The following ZEB2 variants were observed in gnomAD, a reference collection of about 807,000 sequenced individuals.
ZEB2 encodes the protein zinc finger E-box binding homeobox 2.
ZEB2 carries 6 observed loss-of-function variants against 99.9 expected under a neutral mutation model. The ratio of observed to expected loss-of-function variants is 0.06; its 90% CI spans 0.03 to 0.12. The LOEUF (loss-of-function observed/expected upper bound fraction) is 0.12, where lower values mean the gene tolerates loss of function less well. ZEB2 is among the 10% of genes least tolerant of loss of function. The pLI, the probability that ZEB2 is intolerant of heterozygous loss-of-function variation, is 1.00. For synonymous variants in ZEB2, 517 were observed against 542.5 expected (o/e 0.95, Z 0.65); for missense variants, 969 against 1,502.8 (o/e 0.64, Z 5.87).
Position 144,398,965 on chromosome 2 carries a change from G to A in ZEB2, c.2222C>T (p.Ser741Leu). 1 of 1,614,176 alleles carries A rather than the reference G, an allele frequency of 6.2e-7. No homozygotes were observed. Among genetic ancestry groups the A allele is most frequent in the Non-Finnish European group, 8.5e-7 (1 of 1,180,024 alleles). The change falls in exon 8 of 10, where the codon TCA (serine) becomes TTA (leucine). Residue 741 changes from serine (S) to leucine (L), a missense_variant. Ser to Leu is a moderately radical substitution (Grantham distance 145, BLOSUM62 -2). Around this residue, in one of 8 missense-constraint regions of ZEB2, gnomAD observed 346 missense variants for 460.0 expected, o/e 0.75. Transcript: ENST00000627532. The part of the protein sequence containing the change: ...SPVKPMDSIT[S>L]PSIAELHNSV... ...GTTGTGGAGTTCTGCTATAGATGGT[G>A]ATGTTATGGAGTCCATAGGTTTTAC...
At chr2:144,479,845 T>C (rs1324044456) in intron 2 of ZEB2, among the ~76,000 whole-genome samples, 1 of 152,166 alleles carries the variant, frequency 6.6e-6, no homozygotes, top group African/African-American at 2.4e-5. Context: ...ATAAGGTCTC[T>C]GTTGTGACAA....
chr2:144,476,877 T>A (rs1225873987), intron 2 of ZEB2, among the ~76,000 whole-genome samples: 1 of 152,216 alleles, frequency 6.6e-6, no homozygotes, highest in Non-Finnish European at 1.5e-5. Context: ...CTTGACATCA[T>A]CAAAATCCTC....
intron 2 of ZEB2, chr2:144,463,064 A>G (rs889940368): frequency 6.6e-6 from 1 of 152,188 alleles, no homozygotes; most frequent in Non-Finnish European, 1.5e-5. Flanking sequence ...GCAAACCCCA[A>G]TAGGGTAGCA....
chr2:144,512,319 A>T (rs748534535), intron 2 of ZEB2: 16 of 1,287,238 alleles, frequency 1.2e-5, no homozygotes, highest in African/African-American at 1.5e-5. Flanking sequence ...CAGATGACAA[A>T]AACTGTTGCA....
chr2:144,395,951 AT>A (rs1039570413), intron 9 of ZEB2, among the ~76,000 whole-genome samples: 1 of 149,394 alleles, frequency 6.7e-6, no homozygotes, highest in African/African-American at 2.4e-5. Context: ...AATGTGGCGA[AT>A]TTAAAAAAAA....
intron 2 of ZEB2, chr2:144,513,438 ATC>A: frequency 6.9e-7 from 1 of 1,439,572 alleles, no homozygotes; most frequent in Non-Finnish European, 9.2e-7. Flanking sequence ...CTGGAGAAAA[ATC>A]AAATTTAACT....
intron 2 of ZEB2, among the ~76,000 whole-genome samples, chr2:144,505,639 G>A (rs528126608): frequency 6.6e-6 from 1 of 152,278 alleles, no homozygotes; most frequent in East Asian, 1.9e-4. Flanking sequence ...GGTTGAGGAG[G>A]TTGCTGAGAC....
At chr2:144,513,955 G>A in intron 2 of ZEB2, 2 of 1,413,116 alleles carry the variant, frequency 1.4e-6, no homozygotes, top group South Asian at 2.9e-5. Context: ...CTTGTCTGCG[G>A]GCAACTCGCT....
intron 6 of ZEB2, 79 bp downstream of exon 6, chr2:144,403,834 TTAA>T: frequency 1.9e-6 from 3 of 1,566,136 alleles, no homozygotes; most frequent in East Asian, 2.3e-5. Flanking sequence ...CCATGAAAAA[TTAA>T]TAATGATTGC....
chr2:144,409,749 C>T (rs762165422), intron 4 of ZEB2, among the ~76,000 whole-genome samples: 4 of 152,032 alleles, frequency 2.6e-5, no homozygotes, highest in Non-Finnish European at 2.9e-5. Context: ...ATTAGCCTGG[C>T]ATGGTGGTGC....
intron 2 of ZEB2, among the ~76,000 whole-genome samples, chr2:144,474,715 T>G (rs1704407408): frequency 1.3e-5 from 2 of 152,166 alleles, no homozygotes; most frequent in Admixed American, 1.3e-4. Context: ...AGATAGGACC[T>G]TACATTAGAT....
At position 144,401,050 on chromosome 2, in the gene ZEB2, A is replaced by T. The variant is rs1302389873; in HGVS notation, c.916+149T>A. The T allele has an allele frequency of 9.4e-6, 7 of 743,436 alleles. No individual in the cohort carries two copies. In the Admixed American group the frequency reaches 1.4e-4, roughly 15 times the overall value. 46.1% of individuals were successfully genotyped at this position (743,436 alleles called of 1,614,324 possible). ...TGCTACTGGTTGTACCATAAGTCTCATGAACACAAATCAGGCACACAGAGT... is the reference window on the plus strand; with the variant it reads ...TGCTACTGGTTGTACCATAAGTCTCTTGAACACAAATCAGGCACACAGAGT... On this transcript the variant is annotated intron_variant, in intron 7 of 9. Coordinates refer to ENST00000627532, the MANE Select transcript of ZEB2 (RefSeq NM_014795.4).
chr2:144,499,065 T>A (rs1560651542), intron 2 of ZEB2, among the ~76,000 whole-genome samples: 1 of 152,206 alleles, frequency 6.6e-6, no homozygotes, highest in Admixed American at 6.5e-5. Context: ...ACACGTAGAA[T>A]ATTTTACATG....
At chr2:144,508,362 G>A (rs769779593) in intron 2 of ZEB2, among the ~76,000 whole-genome samples, 7 of 152,108 alleles carry the variant, frequency 4.6e-5, no homozygotes, top group Non-Finnish European at 8.8e-5. Flanking sequence ...GTAGATCTGC[G>A]CTGTCAAATC....
At chr2:144,517,743 G>T in intron 1 of ZEB2, 1 of 696,462 alleles carries the variant, frequency 1.4e-6, no homozygotes, top group South Asian at 1.5e-5. Flanking sequence ...GGGCTAGGCG[G>T]ACCCTTTCCT....
Position 144,483,868 on chromosome 2 carries a change from T to C in ZEB2, c.73+33410A>G, listed in dbSNP as rs1053237819. Among the ~76,000 whole-genome samples, 31 of 152,180 alleles carry C rather than the reference T, an allele frequency of 2.0e-4. 1 individual carries two copies. Among genetic ancestry groups the C allele is most frequent in the African/African-American group, 7.0e-4 (29 of 41,442 alleles). ...GGCTGATTTATTTGGCCTAAGATAG[T>C]TCCAACTTTTACCTGATGCTGATTG... On this transcript the variant is annotated intron_variant, in intron 2 of 9. Transcript: ENST00000627532.
rs576316707 is a variant in ZEB2, at chr2:144,479,769, G to A, written c.73+37509C>T. On this transcript the variant is annotated intron_variant, in intron 2 of 9. Coordinates refer to ENST00000627532, the MANE Select transcript of ZEB2 (RefSeq NM_014795.4). ...AGATTTCCCCAGCAACAGACCCCCT[G>A]CTCAGCAGGTCACCTATCTTTGCGA... 2.0e-5 allele frequency among the ~76,000 whole-genome samples: 3 copies of A among 149,244 alleles called. No individual in the cohort carries two copies. The East Asian group carries it at 6.0e-4, about 30-fold the overall frequency.
intron 2 of ZEB2, among the ~76,000 whole-genome samples, chr2:144,451,970 T>A (rs902106989): frequency 6.6e-6 from 1 of 152,186 alleles, no homozygotes; most frequent in African/African-American, 2.4e-5. Flanking sequence ...AATAACATCT[T>A]CCTATGTGTT....
chr2:144,412,089 G>C (rs983502646), intron 4 of ZEB2, among the ~76,000 whole-genome samples: 1 of 152,222 alleles, frequency 6.6e-6, no homozygotes, highest in Non-Finnish European at 1.5e-5. Flanking sequence ...GACCAACATG[G>C]AGAAACACCA....
Sources: allele counts gnomAD v4.1 joint callset (sites outside exome capture counted in the v4.1 genomes callset), GRCh38; gene constraint gnomAD v4.1.1; regional missense constraint gnomAD v4.1.1; transcripts MANE v1.5; gene names NCBI Gene and HGNC (gene_info 2026-07-23, HGNC 2026-07-21).